ELP4: variants seen among roughly 807,000 people sequenced by gnomAD.
ELP4 encodes the protein elongator complex protein 4.
ELP4 carries 51 observed loss-of-function variants against 48.9 expected under a neutral mutation model. The observed-to-expected ratio is 1.04, with a 90% CI of 0.83 to 1.32. The LOEUF (loss-of-function observed/expected upper bound fraction) is 1.32. Among genes scored for constraint, ELP4 ranks in the 40% most tolerant of loss-of-function variants. The probability of loss-of-function intolerance (pLI) is 0.00; values close to 1 mark genes in which losing one functional copy is unlikely to be tolerated. For synonymous variants in ELP4, 210 were observed against 189.2 expected (o/e 1.11, Z -0.90); for missense variants, 519 against 514.6 (o/e 1.01, Z -0.08).
In ELP4 at chr11:31,509,809, A is replaced by G; in HGVS notation, c.25A>G (p.Ser9Gly). 1 of 1,614,166 alleles carries G rather than the reference A, an allele frequency of 6.2e-7. No homozygotes were observed. Among genetic ancestry groups the G allele is most frequent in the African/African-American group, 1.3e-5 (1 of 75,058 alleles). The change falls in exon 1 of 10, where the codon AGT (serine) becomes GGT (glycine). Residue 9 changes from serine to glycine, a missense_variant. Transcript: ENST00000640961. MAAVATCG[S>G]VAASTGSAVA... is the part of the protein sequence containing the mutation. The stretch of plus-strand genomic sequence containing the variant: ...GATGGCGGCAGTGGCAACCTGCGGT[A>G]GTGTTGCCGCGAGTACTGGGTCTGC...
At position 31,783,757 on chromosome 11, in the gene ELP4, ACGCC is replaced by A; in HGVS notation, c.*234_*237del. 2.6e-6 allele frequency: 1 copy of A among 379,006 alleles called. No individual in the cohort carries two copies. The highest frequency in any genetic ancestry group is 4.7e-6 in the Non-Finnish European group (1 of 212,026). The allele number at this position is 379,006 out of a possible 1,614,324, so 23.5% of individuals were successfully genotyped here. A position where few individuals can be genotyped will look rare whatever the true frequency, so the allele number is the denominator to read the frequency against. On this transcript the variant is annotated 3_prime_UTR_variant, in exon 10 of 10. Coordinates refer to ENST00000640961, the MANE Select transcript of ELP4 (RefSeq NM_019040.5). ...AGAAAATAATTTTATTTTTAAATAA[ACGCC>A]AAAAAATGTCAAAATCTCAAGATTC... is the stretch of plus-strand genomic sequence containing the variant.
intron 9 of ELP4, among the ~76,000 whole-genome samples, chr11:31,730,902 G>T (rs1947171512): frequency 6.6e-6 from 1 of 152,044 alleles, no homozygotes; most frequent in Non-Finnish European, 1.5e-5. Context: ...GCTGGGTGAT[G>T]TCCTGCTGCT....
At chr11:31,725,458 G>A (rs958190038) in intron 9 of ELP4, among the ~76,000 whole-genome samples, 1 of 152,138 alleles carries the variant, frequency 6.6e-6, no homozygotes, top group Non-Finnish European at 1.5e-5. Context: ...CCTTCTCTCT[G>A]CCCTGCCATT....
At chr11:31,565,397 T>G (rs1957093641) in intron 3 of ELP4, among the ~76,000 whole-genome samples, 1 of 148,802 alleles carries the variant, frequency 6.7e-6, no homozygotes, top group Non-Finnish European at 1.5e-5. Flanking sequence ...ATTTGTCAAT[T>G]TTGGCTTTTG....
intron 9 of ELP4, among the ~76,000 whole-genome samples, chr11:31,658,930 G>A (rs1160291305): frequency 6.6e-6 from 1 of 151,922 alleles, no homozygotes; most frequent in Non-Finnish European, 1.5e-5. Flanking sequence ...TTTGCTGGAA[G>A]TTCTTTAAAT....
Position 31,521,273 on chromosome 11 carries a change from C to G in ELP4, c.259+1182C>G, listed in dbSNP as rs147670877. Among the ~76,000 whole-genome samples, 40 of 151,496 alleles carry G rather than the reference C, an allele frequency of 2.6e-4. 1 individual carries two copies. The highest frequency in any genetic ancestry group is 9.4e-4 in the African/African-American group (39 of 41,442). ...CTCTTACTGTTGGTCATACATTATG[C>G]AAAGTGCATTATGTTTTTTTTTTTT... On this transcript the variant is annotated intron_variant, in intron 2 of 9. Transcript: ENST00000640961.
At chr11:31,604,037 A>C in intron 5 of ELP4, 130 bp downstream of exon 5, 2 of 651,454 alleles carry the variant, frequency 3.1e-6, no homozygotes, top group Non-Finnish European at 4.6e-6. Flanking sequence ...TTTCTATATA[A>C]TTTGTAACTT....
At chr11:31,518,300 T>A (rs1252598183) in intron 1 of ELP4, among the ~76,000 whole-genome samples, 1 of 151,780 alleles carries the variant, frequency 6.6e-6, no homozygotes, top group African/African-American at 2.4e-5. Flanking sequence ...GAGACGGCGT[T>A]TCACTATGTT....
intron 9 of ELP4, among the ~76,000 whole-genome samples, chr11:31,782,987 T>C (rs1473477830): frequency 6.6e-6 from 1 of 152,200 alleles, no homozygotes; most frequent in African/African-American, 2.4e-5. Flanking sequence ...ACCTTAAAAA[T>C]TGCATGTTGG....
Position 31,786,671 on chromosome 11 carries a change from G to A in ELP4, c.*3147G>A. The A allele has an allele frequency of 5.2e-6, 1 of 192,948 alleles. No individual in the cohort carries two copies. The highest frequency in any genetic ancestry group is 1.0e-5 in the Non-Finnish European group (1 of 98,494). The allele number at this position is 192,948 out of a possible 1,614,324, so 12.0% of individuals were successfully genotyped here. A position where few individuals can be genotyped will look rare whatever the true frequency, so the allele number is the denominator to read the frequency against. On this transcript the variant is annotated 3_prime_UTR_variant, in exon 10 of 10. Coordinates refer to ENST00000640961, the MANE Select transcript of ELP4 (RefSeq NM_019040.5). ...AATAATACTGTATGAGTGAATCTTA[G>A]GAAACCTAGTGATGATAGTAAGAAG...
intron 3 of ELP4, among the ~76,000 whole-genome samples, 198 bp from the exon 4 acceptor site, chr11:31,594,572 A>G (rs1177983533): frequency 2.0e-5 from 3 of 152,148 alleles, no homozygotes; most frequent in African/African-American, 7.2e-5. Context: ...TTATTGCTAA[A>G]AAGTTAAACT....
chr11:31,760,084 C>T (rs1026979554), intron 9 of ELP4, among the ~76,000 whole-genome samples: 7 of 152,118 alleles, frequency 4.6e-5, no homozygotes, highest in African/African-American at 1.7e-4. Flanking sequence ...TATTGATGAG[C>T]CTGACTACCA....
intron 9 of ELP4, among the ~76,000 whole-genome samples, chr11:31,753,141 A>C (rs1789871587): frequency 6.6e-6 from 1 of 152,324 alleles, no homozygotes; most frequent in East Asian, 1.9e-4. Flanking sequence ...TAACTAGAAA[A>C]TATAATAATA....
chr11:31,789,021 T>G lies in ELP4; in HGVS notation c.*5497T>G, dbSNP rs1948980886. ...GTAGTTGTGAACAACTTCAAAACAC[T>G]TAAGTTTAAAACTCTTGCAAGCACT... On this transcript the variant is annotated 3_prime_UTR_variant, in exon 10 of 10. Coordinates refer to ENST00000640961, the MANE Select transcript of ELP4 (RefSeq NM_019040.5). The G allele has an allele frequency of 5.0e-6, 1 of 200,790 alleles. No homozygotes were observed. Among genetic ancestry groups the G allele is most frequent in the Non-Finnish European group, 1.0e-5 (1 of 97,118 alleles). 12.4% of individuals were successfully genotyped at this position (200,790 alleles called of 1,614,324 possible). A position where few individuals can be genotyped will look rare whatever the true frequency, so the allele number is the denominator to read the frequency against.
chr11:31,700,626 C>T (rs1200615124), intron 9 of ELP4, among the ~76,000 whole-genome samples: 1 of 151,978 alleles, frequency 6.6e-6, no homozygotes, highest in Non-Finnish European at 1.5e-5. Context: ...ATTCCCTCCC[C>T]AGTAGTCCTT....
At chr11:31,765,485 T>C (rs1948023375) in intron 9 of ELP4, among the ~76,000 whole-genome samples, 2 of 152,212 alleles carry the variant, frequency 1.3e-5, no homozygotes, top group South Asian at 4.1e-4. Flanking sequence ...CAATATTTTC[T>C]ATCAGATTAA....
intron 3 of ELP4, among the ~76,000 whole-genome samples, chr11:31,551,696 T>G (rs2133928799): frequency 6.6e-6 from 1 of 152,316 alleles, no homozygotes; most frequent in East Asian, 1.9e-4. Flanking sequence ...CAGTTTGTTA[T>G]GTGTCTGTTA....
At chr11:31,762,773 A>T (rs1947968912) in intron 9 of ELP4, among the ~76,000 whole-genome samples, 1 of 151,646 alleles carries the variant, frequency 6.6e-6, no homozygotes, top group African/African-American at 2.4e-5. Context: ...TTATGTCTTA[A>T]GATATATTTT....
chr11:31,740,990 T>A lies in ELP4; in HGVS notation c.1144-42403T>A, dbSNP rs112561832. 3.3e-4 allele frequency among the ~76,000 whole-genome samples: 50 copies of A among 152,218 alleles called. 1 individual carries two copies. Among genetic ancestry groups the A allele is most frequent in the African/African-American group, 1.1e-3 (45 of 41,550 alleles). The stretch of plus-strand genomic sequence containing the variant: ...GGGGTCAGGGAATTCCCTTTCCTAG[T>A]CAAAGAAAGCGGTGACAGACGGCAC... On this transcript the variant is annotated intron_variant, in intron 9 of 9. Coordinates refer to ENST00000640961, the MANE Select transcript of ELP4 (RefSeq NM_019040.5).
Sources: allele counts gnomAD v4.1 joint callset (sites outside exome capture counted in the v4.1 genomes callset), GRCh38; gene constraint gnomAD v4.1.1; transcripts MANE v1.5; gene names NCBI Gene and HGNC (gene_info 2026-07-23, HGNC 2026-07-21).